Variants in CTNNA3 observed in about 807,000 individuals in gnomAD.
The protein encoded by CTNNA3 is catenin alpha-3.
A neutral mutation model predicts 95.7 loss-of-function variants in CTNNA3; 76 were observed. The observed-to-expected ratio is 0.79, with a 90% confidence interval of 0.66 to 0.96. The LOEUF is 0.96. Ranked by LOEUF, CTNNA3 falls within the 40% of genes least tolerant of loss-of-function variation. CTNNA3 has a pLI of 0.00. For missense variants in CTNNA3, 1,191 were observed against 1,089.8 expected, an observed-to-expected ratio of 1.09 and a Z score of -1.31; for synonymous variants, 431 against 374.4, an observed-to-expected ratio of 1.15 and a Z score of -1.74.
chr10:66,330,523 G>A (rs915657913), intron 12 of CTNNA3, among the ~76,000 whole-genome samples: 27 of 151,996 alleles, frequency 1.8e-4, no homozygotes, highest in Non-Finnish European at 2.9e-4. Context: ...TAGTGCCACA[G>A]TAAACATACG....
At chr10:67,089,686 C>T (rs1857510601) in intron 7 of CTNNA3, among the ~76,000 whole-genome samples, 1 of 149,098 alleles carries the variant, frequency 6.7e-6, no homozygotes, top group Admixed American at 6.7e-5. Context: ...GTCGAATCAG[C>T]CAATCAGAGT....
chr10:66,101,289 A>G (rs567206688), intron 14 of CTNNA3, among the ~76,000 whole-genome samples: 1 of 152,294 alleles, frequency 6.6e-6, no homozygotes, highest in South Asian at 2.1e-4. Flanking sequence ...AACCCAAATA[A>G]TCTGTAAGAA....
At chr10:67,183,340 C>A (rs914493255) in intron 6 of CTNNA3, among the ~76,000 whole-genome samples, 14 of 152,120 alleles carry the variant, frequency 9.2e-5, no homozygotes, top group Non-Finnish European at 1.8e-4. Context: ...ACATATACAC[C>A]ATGGAATACT....
chr10:67,522,122 A>G lies in CTNNA3; in HGVS notation c.460-161T>C, dbSNP rs7906790. On this transcript the variant is annotated intron_variant, in intron 4 of 17. Transcript: ENST00000433211. ...TTATCTTTCAATGAAATAATTAGGG[A>G]CACAGAAAGAGTTATAAACCATATT... Among the ~76,000 whole-genome samples, 30,112 of 152,138 alleles carry G rather than the reference A, an allele frequency of 0.2. 4,964 individuals carry two copies. The highest frequency in any genetic ancestry group is 0.46 in the African/African-American group (18,953 of 41,434).
chr10:66,264,451 C>T (rs1179171066), intron 13 of CTNNA3, among the ~76,000 whole-genome samples: 2 of 151,880 alleles, frequency 1.3e-5, no homozygotes, highest in Admixed American at 1.3e-4. Flanking sequence ...TAATTTTTAA[C>T]TTGCTAGTAG....
At chr10:66,523,153 G>A (rs1424601442) in intron 10 of CTNNA3, among the ~76,000 whole-genome samples, 1 of 152,058 alleles carries the variant, frequency 6.6e-6, no homozygotes, top group Non-Finnish European at 1.5e-5. Context: ...ATGTACCTTC[G>A]TGTATACTGC....
intron 13 of CTNNA3, among the ~76,000 whole-genome samples, chr10:66,220,840 C>A (rs1302318030): frequency 1.3e-5 from 2 of 152,100 alleles, no homozygotes; most frequent in African/African-American, 4.8e-5. Flanking sequence ...TCCTTCTCTG[C>A]CACATGCTGC....
chr10:66,050,290 C>T (rs1007101212), intron 15 of CTNNA3, among the ~76,000 whole-genome samples: 6 of 151,828 alleles, frequency 4.0e-5, no homozygotes, highest in African/African-American at 1.5e-4. Flanking sequence ...TGATTTTGAA[C>T]TCTCTATCAT....
chr10:66,912,807 C>A (rs1473401570), intron 7 of CTNNA3, among the ~76,000 whole-genome samples: 1 of 152,088 alleles, frequency 6.6e-6, no homozygotes, highest in Non-Finnish European at 1.5e-5. Context: ...TAAATGAACA[C>A]ACGGGGGAAC....
At chr10:67,104,676 T>C (rs1389610034) in intron 7 of CTNNA3, among the ~76,000 whole-genome samples, 5 of 151,896 alleles carry the variant, frequency 3.3e-5, no homozygotes, top group African/African-American at 4.8e-5. Flanking sequence ...AGTAATCCCA[T>C]TGGTTTAATT....
chr10:67,076,629 C>T (rs1333404130), intron 7 of CTNNA3, among the ~76,000 whole-genome samples: 1 of 152,152 alleles, frequency 6.6e-6, no homozygotes, highest in Non-Finnish European at 1.5e-5. Flanking sequence ...TGTCATATTA[C>T]ATTCAAACCA....
At chr10:67,642,251 C>T (rs748177214) in intron 2 of CTNNA3, among the ~76,000 whole-genome samples, 35 of 152,028 alleles carry the variant, frequency 2.3e-4, no homozygotes, top group Middle Eastern at 3.4e-3. Context: ...GAACAGACAA[C>T]CTACAGAATG....
chr10:67,158,838 CA>C lies in CTNNA3; in HGVS notation c.1047+21478del, dbSNP rs983001089. 3.0e-3 allele frequency among the ~76,000 whole-genome samples: 405 copies of C among 135,278 alleles called. 2 individuals carry two copies. Among genetic ancestry groups the C allele is most frequent in the South Asian group, 6.6e-3 (29 of 4,380 alleles). The allele number at this position is 135,278 out of a possible 152,430, so 88.7% of individuals were successfully genotyped here. A position where few individuals can be genotyped will look rare whatever the true frequency, so the allele number is the denominator to read the frequency against. ...TATATAAATCACTATCAATCTATTA[CA>C]AAAAAAAAAAGTAACAAAAATAAAA... On this transcript the variant is annotated intron_variant, in intron 7 of 17. Transcript: ENST00000433211.
chr10:66,099,036 T>G (rs1210635433), intron 14 of CTNNA3, among the ~76,000 whole-genome samples: 1 of 152,144 alleles, frequency 6.6e-6, no homozygotes, highest in Non-Finnish European at 1.5e-5. Context: ...CTAGTAGGAA[T>G]GAATACAGAA....
chr10:66,326,653 T>C (rs1236694793), intron 12 of CTNNA3, among the ~76,000 whole-genome samples: 5 of 152,236 alleles, frequency 3.3e-5, no homozygotes, highest in Non-Finnish European at 1.5e-5. Flanking sequence ...AATTAATGTA[T>C]ATTTATAAAT....
At chr10:67,662,884 T>C (rs1196085189) in intron 1 of CTNNA3, among the ~76,000 whole-genome samples, 1 of 152,216 alleles carries the variant, frequency 6.6e-6, no homozygotes, top group Non-Finnish European at 1.5e-5. Flanking sequence ...AATTTGACTT[T>C]TAAAAACATC....
intron 7 of CTNNA3, among the ~76,000 whole-genome samples, chr10:67,012,554 C>A (rs1852404649): frequency 6.6e-6 from 1 of 152,082 alleles, no homozygotes; most frequent in Non-Finnish European, 1.5e-5. Context: ...CATCATTGTT[C>A]TTTTTCATCT....
intron 15 of CTNNA3, among the ~76,000 whole-genome samples, chr10:66,008,264 A>C (rs983209877): frequency 3.0e-4 from 46 of 152,364 alleles, no homozygotes; most frequent in African/African-American, 1.0e-3. Flanking sequence ...TATAATTCAA[A>C]TCCTTTGCAG....
intron 9 of CTNNA3, among the ~76,000 whole-genome samples, chr10:66,701,170 T>C (rs182855363): frequency 1.3e-5 from 2 of 152,336 alleles, no homozygotes; most frequent in Admixed American, 1.3e-4. Flanking sequence ...GTATCAGTTG[T>C]CTACATCCAT....
Sources: allele counts gnomAD v4.1 joint callset (sites outside exome capture counted in the v4.1 genomes callset), GRCh38; gene constraint gnomAD v4.1.1; transcripts MANE v1.5; gene names NCBI Gene and HGNC (gene_info 2026-07-23, HGNC 2026-07-21).